The following CLSTN2 variants were observed in gnomAD, a reference collection of about 807,000 sequenced individuals.
CLSTN2 encodes calsyntenin 2, also known as calsyntenin-2.
Under a neutral mutation model 101.2 loss-of-function variants are expected in CLSTN2, and 48 were observed. That is an observed-to-expected ratio of 0.47 (90% CI 0.38 to 0.60). The LOEUF is 0.60. Among genes scored for constraint, CLSTN2 ranks in the 20% least tolerant of loss-of-function variants. The pLI is 0.00. For synonymous variants in CLSTN2, 481 were observed against 463.6 expected (o/e 1.04, Z -0.48); for missense variants, 1,160 against 1,238.2 (o/e 0.94, Z 0.95).
At chr3:140,210,161 C>T (rs1050986554) in intron 2 of CLSTN2, among the ~76,000 whole-genome samples, 3 of 152,178 alleles carry the variant, frequency 2.0e-5, no homozygotes, top group Non-Finnish European at 2.9e-5. Flanking sequence ...CTGCTGTTGT[C>T]TTTACTTCAC....
intron 8 of CLSTN2, among the ~76,000 whole-genome samples, chr3:140,528,252 T>C (rs76067639): frequency 0.016 from 2,488 of 152,280 alleles, 70 homozygotes; most frequent in African/African-American, 0.056. Flanking sequence ...TTTTTATGAC[T>C]ATCACCCGCT....
chr3:140,418,517 CT>C (rs35463586), intron 4 of CLSTN2, among the ~76,000 whole-genome samples: 91 of 41,262 alleles, frequency 2.2e-3, no homozygotes, highest in African/African-American at 0.015. Context: ...TTCTTTCTTT[CT>C]TTTTTTTTTT....
chr3:140,312,626 C>T (rs1158134640), intron 2 of CLSTN2, among the ~76,000 whole-genome samples: 1 of 152,210 alleles, frequency 6.6e-6, no homozygotes, highest in Admixed American at 6.5e-5. Context: ...TGGGTCTCTT[C>T]TTCTATCATG....
chr3:139,953,319 G>A (rs574111051), intron 1 of CLSTN2, among the ~76,000 whole-genome samples: 1 of 152,132 alleles, frequency 6.6e-6, no homozygotes, highest in East Asian at 1.9e-4. Flanking sequence ...TTATTACCTG[G>A]GTGATAAAAC....
Position 140,076,625 on chromosome 3 carries a change from G to GTTTTTTTTTTT in CLSTN2, c.110-99308_110-99298dup, listed in dbSNP as rs35645750. 3.1e-3 allele frequency among the ~76,000 whole-genome samples: 118 copies of GTTTTTTTTTTT among 38,070 alleles called. 19 individuals carry two copies. Among genetic ancestry groups the GTTTTTTTTTTT allele is most frequent in the African/African-American group, 7.7e-3 (69 of 8,918 alleles). 25.0% of individuals were successfully genotyped at this position (38,070 alleles called of 152,430 possible). The stretch of plus-strand genomic sequence containing the variant: ...CAATGACTCCCCTCTCACCAGCAGT[G>GTTTTTTTTTTT]TTTTTTTTTTTTTTTTTTTTTTTTT... On this transcript the variant is annotated intron_variant, in intron 1 of 16. Coordinates refer to ENST00000458420, the MANE Select transcript of CLSTN2 (RefSeq NM_022131.3).
chr3:140,303,643 T>G (rs1316000436), intron 2 of CLSTN2, among the ~76,000 whole-genome samples: 1 of 152,092 alleles, frequency 6.6e-6, no homozygotes, highest in Non-Finnish European at 1.5e-5. Context: ...TATGGTGGCT[T>G]CTAGAGATGT....
intron 2 of CLSTN2, among the ~76,000 whole-genome samples, chr3:140,359,217 CA>C (rs776648489): frequency 3.4e-4 from 51 of 151,646 alleles, no homozygotes; most frequent in Non-Finnish European, 5.9e-4. Context: ...TGCACCTCCT[CA>C]TTTCTGCATC....
chr3:140,220,538 C>T (rs1256494155), intron 2 of CLSTN2, among the ~76,000 whole-genome samples: 1 of 152,206 alleles, frequency 6.6e-6, no homozygotes, highest in East Asian at 1.9e-4. Flanking sequence ...CAAGCACATC[C>T]ACCATGTCTG....
At chr3:140,405,838 G>A (rs2088297025) in intron 4 of CLSTN2, among the ~76,000 whole-genome samples, 1 of 152,188 alleles carries the variant, frequency 6.6e-6, no homozygotes, top group Non-Finnish European at 1.5e-5. Context: ...GTGTGTGGGT[G>A]TTTATATGTT....
intron 8 of CLSTN2, among the ~76,000 whole-genome samples, chr3:140,521,830 C>T (rs1935031499): frequency 1.3e-5 from 2 of 152,282 alleles, no homozygotes; most frequent in South Asian, 4.1e-4. Context: ...AATTCCAAGC[C>T]AGTGGGTCTT....
chr3:140,377,967 C>T (rs2087935299), intron 2 of CLSTN2, among the ~76,000 whole-genome samples: 1 of 152,128 alleles, frequency 6.6e-6, no homozygotes, highest in Non-Finnish European at 1.5e-5. Context: ...TCTTTTACAC[C>T]ATATTTTTAC....
intron 1 of CLSTN2, among the ~76,000 whole-genome samples, chr3:140,092,529 G>A (rs2008796119): frequency 1.3e-5 from 2 of 152,192 alleles, no homozygotes; most frequent in South Asian, 4.1e-4. Context: ...AGGTTGCAGA[G>A]CTGGGAGGCC....
chr3:139,936,846 T>G (rs921136160), intron 1 of CLSTN2, among the ~76,000 whole-genome samples: 1 of 148,998 alleles, frequency 6.7e-6, no homozygotes, highest in Middle Eastern at 3.3e-3. Context: ...AAGCAGGCAT[T>G]CTGTTTCTTT....
intron 2 of CLSTN2, among the ~76,000 whole-genome samples, chr3:140,179,736 G>A (rs2010380543): frequency 7.6e-6 from 1 of 131,668 alleles, no homozygotes; most frequent in African/African-American, 2.8e-5. Flanking sequence ...ATATTTTTCT[G>A]AAACTTTTTA....
At chr3:140,085,384 A>G (rs2008665049) in intron 1 of CLSTN2, among the ~76,000 whole-genome samples, 1 of 152,164 alleles carries the variant, frequency 6.6e-6, no homozygotes, top group Non-Finnish European at 1.5e-5. Flanking sequence ...TCCTCATTAC[A>G]TATACGTAAG....
intron 1 of CLSTN2, among the ~76,000 whole-genome samples, chr3:140,118,458 A>G (rs1442430907): frequency 1.3e-5 from 2 of 152,190 alleles, no homozygotes; most frequent in Non-Finnish European, 2.9e-5. Flanking sequence ...GGCATGTCAA[A>G]GAGGAATGCT....
chr3:140,377,845 C>A lies in CLSTN2; in HGVS notation c.233-25784C>A, dbSNP rs562576990. Among the ~76,000 whole-genome samples the A allele has an allele frequency of 3.9e-5, 6 of 152,296 alleles. No individual in the cohort carries two copies. In the East Asian group the frequency reaches 1.2e-3, roughly 29 times the overall value. ...TTACAAAGTCCACAGTAGTGGGCAG[C>A]AGTGTCCTGGGGTTTCATATTCACT... On this transcript the variant is annotated intron_variant, in intron 2 of 16. Transcript: ENST00000458420.
intron 2 of CLSTN2, among the ~76,000 whole-genome samples, chr3:140,297,826 A>G (rs1407805264): frequency 6.6e-6 from 1 of 152,210 alleles, no homozygotes; most frequent in South Asian, 2.1e-4. Flanking sequence ...TCCAACTTCC[A>G]TCATGATGGC....
chr3:139,998,273 GACTTC>G (rs1213701234), intron 1 of CLSTN2, among the ~76,000 whole-genome samples: 2 of 146,308 alleles, frequency 1.4e-5, no homozygotes, highest in Non-Finnish European at 3.0e-5. Flanking sequence ...CTGGAGCAGA[GACTTC>G]ACATCTCCCA....
Sources: allele counts gnomAD v4.1 joint callset (sites outside exome capture counted in the v4.1 genomes callset), GRCh38; gene constraint gnomAD v4.1.1; transcripts MANE v1.5; gene names NCBI Gene and HGNC (gene_info 2026-07-23, HGNC 2026-07-21).